METTL18: variants seen among roughly 807,000 people sequenced by gnomAD.
METTL18 encodes methyltransferase 18, RPL3 N3(tau)-histidine.
A neutral mutation model predicts 19.6 loss-of-function variants in METTL18; 15 were observed. The ratio of observed to expected loss-of-function variants is 0.77; its 90% CI spans 0.51 to 1.18. METTL18 has a LOEUF of 1.18. Among genes scored for constraint, METTL18 ranks in the 50% most tolerant of loss-of-function variants. The pLI, the probability that METTL18 is intolerant of heterozygous loss-of-function variation, is 0.00. For synonymous variants in METTL18, 131 were observed against 145.2 expected, an observed-to-expected ratio of 0.90 and a Z score of 0.70; for missense variants, 392 against 418.8, an observed-to-expected ratio of 0.94 and a Z score of 0.56.
chr1:169,793,907 A>T lies in METTL18; in HGVS notation c.-202-10T>A. Reference sequence around the variant, plus strand: ...CTCTTTCCAAGCAGCTCTGGAAAGAAAAAAAAAAAAAAAAGAAAGAAAATG... The same window carrying T: ...CTCTTTCCAAGCAGCTCTGGAAAGATAAAAAAAAAAAAAAGAAAGAAAATG... On this transcript the variant is annotated splice_polypyrimidine_tract_variant and intron_variant, in intron 1 of 1. Transcript: ENST00000310392. 6 of 220,152 alleles carry T rather than the reference A, an allele frequency of 2.7e-5. No individual in the cohort carries two copies. Among genetic ancestry groups the T allele is most frequent in the Admixed American group, 1.3e-4 (2 of 15,634 alleles). The allele number at this position is 220,152 out of a possible 1,614,324, so 13.6% of individuals were successfully genotyped here.
At position 169,793,483 on chromosome 1, in the gene METTL18, G is replaced by C. The variant is rs771240004; in HGVS notation, c.213C>G (p.Pro71=). Residue 71 remains proline (P), a synonymous_variant, in exon 2 of 2, where the codon CCC becomes CCG. Transcript: ENST00000310392. ...WEHKSMENAA[P]SQDTDSPLSA... ...TGAGTGGACTGTCTGTGTCTTGAGAGGGAGCTGCATTTTCCATTGACTTAT... is the reference window on the plus strand; with the variant it reads ...TGAGTGGACTGTCTGTGTCTTGAGACGGAGCTGCATTTTCCATTGACTTAT... The C allele has an allele frequency of 3.1e-6, 5 of 1,614,088 alleles. No homozygotes were observed. The South Asian group carries it at 5.5e-5, about 18-fold the overall frequency.
rs754803167 is a variant in METTL18, at chr1:169,793,443, A to G, written c.253T>C (p.Ser85Pro). 3 of 1,614,200 alleles carry G rather than the reference A, an allele frequency of 1.9e-6. No homozygotes were observed. Among genetic ancestry groups the G allele is most frequent in the Non-Finnish European group, 2.5e-6 (3 of 1,180,022 alleles). Residue 85 changes from serine (S) to proline (P), a missense_variant, in exon 2 of 2, where the codon TCA becomes CCA. Coordinates refer to ENST00000310392, the MANE Select transcript of METTL18 (RefSeq NM_033418.4). ...TDSPLSAASS[S>P]RNLEPHGKQP... ...TTTCCATGTGGCTCCAAGTTCCTTGAACTGCTGGCTGCACTGAGTGGACTG... is the reference window on the plus strand; with the variant it reads ...TTTCCATGTGGCTCCAAGTTCCTTGGACTGCTGGCTGCACTGAGTGGACTG...
rs1558032658 is a variant in METTL18 at position 169,793,068 on chromosome 1, AC to A, written c.627del (p.Ser210ProfsTer13). On this transcript the variant is annotated frameshift_variant, in exon 2 of 2. Transcript: ENST00000310392. LOFTEE classifies it high-confidence loss of function. ...GLLGITAFKG[G>X]SKEIHFQDYN... ...TAATCTTGAAAGTGAATTTCTTTGG[AC>A]CCTCCCTTGAATGCAGTTATACCTA... 6.2e-7 allele frequency: 1 copy of A among 1,613,864 alleles called. No individual in the cohort carries two copies. The highest frequency in any genetic ancestry group is 1.1e-5 in the South Asian group (1 of 91,060).
Position 169,793,872 on chromosome 1 carries a change from G to T in METTL18, c.-177C>A. On this transcript the variant is annotated 5_prime_UTR_variant, in exon 2 of 2. Coordinates refer to ENST00000310392, the MANE Select transcript of METTL18 (RefSeq NM_033418.4). ...GATATTTCCAAATGACTTTTTAGAC[G>T]TCTTTGGTCCTCTTTCCAAGCAGCT... 4.3e-6 allele frequency: 2 copies of T among 465,488 alleles called. No homozygotes were observed. The highest frequency in any genetic ancestry group is 6.8e-5 in the South Asian group (1 of 14,808). 28.8% of individuals were successfully genotyped at this position (465,488 alleles called of 1,614,324 possible). A position where few individuals can be genotyped will look rare whatever the true frequency, so the allele number is the denominator to read the frequency against.
chr1:169,793,917 A>G lies in METTL18; in HGVS notation c.-202-20T>C. 1 of 399,454 alleles carries G rather than the reference A, an allele frequency of 2.5e-6. No homozygotes were observed. The highest frequency in any genetic ancestry group is 9.8e-5 in the South Asian group (1 of 10,234). The allele number at this position is 399,454 out of a possible 1,614,324, so 24.7% of individuals were successfully genotyped here. ...GCAGCTCTGGAAAGAAAAAAAAAAA[A>G]AAAAGAAAGAAAATGATGATTAAAG... On this transcript the variant is annotated intron_variant, in intron 1 of 1. Coordinates refer to ENST00000310392, the MANE Select transcript of METTL18 (RefSeq NM_033418.4).
chr1:169,793,480 A>G lies in METTL18; in HGVS notation c.216T>C (p.Ser72=), dbSNP rs528057533. 97 of 1,614,054 alleles carry G rather than the reference A, an allele frequency of 6.0e-5. No individual in the cohort carries two copies. The South Asian group carries it at 8.8e-4, about 15-fold the overall frequency. The change falls in exon 2 of 2, where the codon TCT becomes TCC. Residue 72 remains serine, a synonymous_variant. Transcript: ENST00000310392. Reference sequence around the variant, plus strand: ...CACTGAGTGGACTGTCTGTGTCTTGAGAGGGAGCTGCATTTTCCATTGACT... The same window carrying G: ...CACTGAGTGGACTGTCTGTGTCTTGGGAGGGAGCTGCATTTTCCATTGACT... The part of the protein sequence containing the change: ...EHKSMENAAP[S]QDTDSPLSAA...
Position 169,793,905 on chromosome 1 carries a change from G to GAAAAA in METTL18, c.-202-13_-202-9dup, listed in dbSNP as rs71713237. On this transcript the variant is annotated splice_polypyrimidine_tract_variant and intron_variant, in intron 1 of 1. Coordinates refer to ENST00000310392, the MANE Select transcript of METTL18 (RefSeq NM_033418.4). ...TCCTCTTTCCAAGCAGCTCTGGAAA[G>GAAAAA]AAAAAAAAAAAAAAAAGAAAGAAAA... 2 of 221,732 alleles carry GAAAAA rather than the reference G, an allele frequency of 9.0e-6. No individual in the cohort carries two copies. The allele number at this position is 221,732 out of a possible 1,614,324, so 13.7% of individuals were successfully genotyped here. A position where few individuals can be genotyped will look rare whatever the true frequency, so the allele number is the denominator to read the frequency against.
rs1171313529 is a variant in METTL18, at chr1:169,793,172, A to C, written c.524T>G (p.Leu175Arg). The C allele has an allele frequency of 1.9e-6, 3 of 1,614,178 alleles. No homozygotes were observed. Among genetic ancestry groups the C allele is most frequent in the Non-Finnish European group, 2.5e-6 (3 of 1,180,034 alleles). The change falls in exon 2 of 2, where the codon CTC becomes CGC. Residue 175 changes from leucine to arginine, a missense_variant. Coordinates refer to ENST00000310392, the MANE Select transcript of METTL18 (RefSeq NM_033418.4). Reference protein sequence around the residue: ...GLKIWECTFDLLAYFTKAKVK... With the variant: ...GLKIWECTFDRLAYFTKAKVK... Reference sequence around the variant, plus strand: ...TTTGGCCTTTGTGAAATAAGCCAGGAGGTCAAAGGTACATTCCCAGATTTT... The same window carrying C: ...TTTGGCCTTTGTGAAATAAGCCAGGCGGTCAAAGGTACATTCCCAGATTTT...
Position 169,792,949 on chromosome 1 carries a change from C to A in METTL18, c.747G>T (p.Val249=). ...DEENDVNEPD[V]KRCRKPKVTQ... ...TTACTTTTGGTTTCCTGCATCTTTT[C>A]ACATCTGGCTCATTTACATCATTTT... The change falls in exon 2 of 2, where the codon GTG becomes GTT. Residue 249 remains valine, a synonymous_variant. Transcript: ENST00000310392. 1 of 1,614,020 alleles carries A rather than the reference C, an allele frequency of 6.2e-7. No individual in the cohort carries two copies. Among genetic ancestry groups the A allele is most frequent in the Non-Finnish European group, 8.5e-7 (1 of 1,179,986 alleles).
At position 169,794,896 on chromosome 1, in the gene METTL18, T is replaced by C; in HGVS notation, c.-284A>G. 1 of 567,324 alleles carries C rather than the reference T, an allele frequency of 1.8e-6. No individual in the cohort carries two copies. The highest frequency in any genetic ancestry group is 2.9e-5 in the East Asian group (1 of 34,150). The allele number at this position is 567,324 out of a possible 1,614,324, so 35.1% of individuals were successfully genotyped here. On this transcript the variant is annotated 5_prime_UTR_variant, in exon 1 of 2. Coordinates refer to ENST00000310392, the MANE Select transcript of METTL18 (RefSeq NM_033418.4). ...TCACAACGCCTCCTCCGGACCTAAA[T>C]CGCGCACCAGTGAGTCGAGTCCTCC...
chr1:169,794,148 A>C (rs1018156275), intron 1 of METTL18, among the ~76,000 whole-genome samples: 1 of 152,036 alleles, frequency 6.6e-6, no homozygotes, highest in Non-Finnish European at 1.5e-5. Flanking sequence ...AACCACCACC[A>C]CTACCACCTG....
Position 169,792,607 on chromosome 1 carries a change from T to C in METTL18, c.1089A>G (p.Ile363Met). 6.4e-7 allele frequency: 1 copy of C among 1,573,370 alleles called. No individual in the cohort carries two copies. The highest frequency in any genetic ancestry group is 1.2e-5 in the South Asian group (1 of 83,266). ...KIIDEGLKRF[I>M]IEITFKFPG ...CAGGAAACTTAAAAGTTATTTCAAT[T>C]ATGAACCTCTTCAATCCTTCATCAA... Residue 363 changes from isoleucine (I) to methionine (M), a missense_variant, in exon 2 of 2, where the codon ATA (isoleucine) becomes ATG (methionine). By Grantham distance (10) the Ile-to-Met change is conservative. Transcript: ENST00000310392.
At position 169,793,690 on chromosome 1, in the gene METTL18, G is replaced by T; in HGVS notation, c.6C>A (p.Thr2=). The T allele has an allele frequency of 6.3e-7, 1 of 1,575,006 alleles. No homozygotes were observed. The highest frequency in any genetic ancestry group is 8.6e-7 in the Non-Finnish European group (1 of 1,162,002). The change falls in exon 2 of 2, where the codon ACC becomes ACA. Residue 2 remains threonine (T), a synonymous_variant. Transcript: ENST00000310392. Reference sequence around the variant, plus strand: ...CTTCTATAGTGAAATTAAACTGAAAGGTCATCCTCTTATTAAATGCACACA... The same window carrying T: ...CTTCTATAGTGAAATTAAACTGAAATGTCATCCTCTTATTAAATGCACACA... M[T]FQFNFTIEDH...
In METTL18 at chr1:169,793,590, A is replaced by T; in HGVS notation, c.106T>A (p.Ser36Thr). Reference sequence around the variant, plus strand: ...CTCTCTTCTCCTTTTTGACTTTCTGAGACTGACAGCTCTTTTGAGGAATCC... The same window carrying T: ...CTCTCTTCTCCTTTTTGACTTTCTGTGACTGACAGCTCTTTTGAGGAATCC... Reference protein sequence around the residue: ...TLDSSKELSVSESQKGEERDR... With the variant: ...TLDSSKELSVTESQKGEERDR... The change falls in exon 2 of 2, where the codon TCA becomes ACA. Residue 36 changes from serine (S) to threonine (T), a missense_variant. Ser to Thr is a moderately conservative substitution (Grantham distance 58). Coordinates refer to ENST00000310392, the MANE Select transcript of METTL18 (RefSeq NM_033418.4). 6.2e-7 allele frequency: 1 copy of T among 1,614,172 alleles called. No individual in the cohort carries two copies. Among genetic ancestry groups the T allele is most frequent in the Non-Finnish European group, 8.5e-7 (1 of 1,180,020 alleles).
Position 169,792,663 on chromosome 1 carries a change from CTCTT to C in METTL18, c.1029_1032del (p.Arg344MetfsTer10), listed in dbSNP as rs756786920. The C allele has an allele frequency of 6.2e-7, 1 of 1,612,244 alleles. No homozygotes were observed. The highest frequency in any genetic ancestry group is 1.1e-5 in the South Asian group (1 of 90,334). ...TTGAGTATTCTGGTCTTAAAAACAT[CTCTT>C]TCTTCTACAAACTTCTGAAAGAGAT... On this transcript the variant is annotated frameshift_variant, in exon 2 of 2. Coordinates refer to ENST00000310392, the MANE Select transcript of METTL18 (RefSeq NM_033418.4). LOFTEE classifies it high-confidence loss of function.
rs763507833 is a variant in METTL18, at chr1:169,793,398, C to A, written c.298G>T (p.Ala100Ser). 8 of 1,614,186 alleles carry A rather than the reference C, an allele frequency of 5.0e-6. No homozygotes were observed. Among genetic ancestry groups the A allele is most frequent in the Non-Finnish European group, 6.8e-6 (8 of 1,180,014 alleles). Residue 100 changes from alanine (A) to serine (S), a missense_variant, in exon 2 of 2, where the codon GCC becomes TCC. By Grantham distance (99) the Ala-to-Ser change is moderately conservative. Coordinates refer to ENST00000310392, the MANE Select transcript of METTL18 (RefSeq NM_033418.4). ...TCTTTAGGCATAGCATGCTCTTTGG[C>A]AGCTCTCAAGGAGGGCTGTTTTCCA... is the stretch of plus-strand genomic sequence containing the variant. ...PHGKQPSLRA[A>S]KEHAMPKDLK...
chr1:169,794,115 AAAAC>A (rs1650300848), intron 1 of METTL18, among the ~76,000 whole-genome samples: 1 of 152,108 alleles, frequency 6.6e-6, no homozygotes, highest in Non-Finnish European at 1.5e-5. Context: ...ATCAACTATA[AAAAC>A]AAACAGAAGA....
rs776389045 is a variant in METTL18, at chr1:169,793,035, T to C, written c.661A>G (p.Met221Val). 3.7e-5 allele frequency: 59 copies of C among 1,614,064 alleles called. No individual in the cohort carries two copies. Among genetic ancestry groups the C allele is most frequent in the Non-Finnish European group, 4.9e-5 (58 of 1,180,028 alleles). ...KEIHFQDYNS[M>V]VIDEVTLPNV... ...GGTAAGGTTACTTCATCAATCACCA[T>C]ACTGTTATAATCTTGAAAGTGAATT... Residue 221 changes from methionine to valine, a missense_variant, in exon 2 of 2, where the codon ATG becomes GTG. Transcript: ENST00000310392.
Position 169,793,905 on chromosome 1 carries a change from GAAA to G in METTL18, c.-202-11_-202-9del, listed in dbSNP as rs71713237. 1,726 of 219,240 alleles carry G rather than the reference GAAA, an allele frequency of 7.9e-3. No individual in the cohort carries two copies. The highest frequency in any genetic ancestry group is 0.011 in the Middle Eastern group (9 of 848). 13.6% of individuals were successfully genotyped at this position (219,240 alleles called of 1,614,324 possible). ...TCCTCTTTCCAAGCAGCTCTGGAAA[GAAA>G]AAAAAAAAAAAAAGAAAGAAAATGA... On this transcript the variant is annotated splice_polypyrimidine_tract_variant and intron_variant, in intron 1 of 1. Coordinates refer to ENST00000310392, the MANE Select transcript of METTL18 (RefSeq NM_033418.4).
Sources: allele counts gnomAD v4.1 joint callset (sites outside exome capture counted in the v4.1 genomes callset), GRCh38; gene constraint gnomAD v4.1.1; transcripts MANE v1.5; gene names NCBI Gene and HGNC (gene_info 2026-07-23, HGNC 2026-07-21).